The following KCNIP4 variants were observed in gnomAD, a reference collection of about 807,000 sequenced individuals.
The protein encoded by KCNIP4 is potassium voltage-gated channel interacting protein 4.
Under a neutral mutation model 34.0 loss-of-function variants are expected in KCNIP4, and 12 were observed. The ratio of observed to expected loss-of-function variants is 0.35; its 90% CI spans 0.23 to 0.57. The LOEUF is 0.57. Among genes scored for constraint, KCNIP4 ranks in the 20% least tolerant of loss-of-function variants. KCNIP4 has a pLI of 0.83. For synonymous variants in KCNIP4, 124 were observed against 102.2 expected (o/e 1.21, Z -1.29); for missense variants, 238 against 311.7 (o/e 0.76, Z 1.78).
chr4:21,298,834 A>G (rs1199394063), intron 1 of KCNIP4, among the ~76,000 whole-genome samples: 1 of 152,178 alleles, frequency 6.6e-6, no homozygotes, highest in Non-Finnish European at 1.5e-5. Flanking sequence ...CATGCATAGA[A>G]TGCGTCCAAG....
intron 1 of KCNIP4, among the ~76,000 whole-genome samples, chr4:21,777,735 C>A (rs1719277440): frequency 6.6e-6 from 1 of 152,208 alleles, no homozygotes; most frequent in Non-Finnish European, 1.5e-5. Flanking sequence ...ACTCAACTAT[C>A]TTAATCAGCT....
intron 1 of KCNIP4, among the ~76,000 whole-genome samples, chr4:21,125,299 C>T (rs1365850309): frequency 6.6e-6 from 1 of 150,858 alleles, no homozygotes; most frequent in Non-Finnish European, 1.5e-5. Context: ...CTCACAGCAA[C>T]CTCCGCCTCA....
chr4:20,734,796 A>AG, intron 5 of KCNIP4, 61 bp from the exon 6 acceptor site: 1 of 1,012,802 alleles, frequency 9.9e-7, no homozygotes, highest in South Asian at 1.5e-5. Flanking sequence ...AACAAAAAAA[A>AG]CAAATGATGT....
At chr4:21,240,385 AT>A (rs1759721597) in intron 1 of KCNIP4, among the ~76,000 whole-genome samples, 1 of 152,040 alleles carries the variant, frequency 6.6e-6, no homozygotes, top group Non-Finnish European at 1.5e-5. Context: ...TAATAATAAA[AT>A]GAAAAAATTT....
At chr4:21,388,986 GTT>G (rs10718975) in intron 1 of KCNIP4, among the ~76,000 whole-genome samples, 27 of 146,240 alleles carry the variant, frequency 1.8e-4, no homozygotes, top group South Asian at 6.5e-4. Flanking sequence ...ATATTGTCTT[GTT>G]TTTTTTTTTT....
chr4:21,835,771 T>G (rs1723281723), intron 1 of KCNIP4, among the ~76,000 whole-genome samples: 1 of 152,106 alleles, frequency 6.6e-6, no homozygotes, highest in Non-Finnish European at 1.5e-5. Context: ...TTATAAAGAC[T>G]AGAAGCAAAC....
chr4:20,854,841 A>ATTT (rs1259931716), intron 2 of KCNIP4, among the ~76,000 whole-genome samples: 1 of 152,184 alleles, frequency 6.6e-6, no homozygotes, highest in Non-Finnish European at 1.5e-5. Context: ...TGTAGTCAAT[A>ATTT]GAGTCAATAG....
At chr4:21,935,826 G>C (rs993346561) in intron 1 of KCNIP4, among the ~76,000 whole-genome samples, 6 of 152,032 alleles carry the variant, frequency 3.9e-5, no homozygotes, top group Non-Finnish European at 8.8e-5. Flanking sequence ...CACTTCATAT[G>C]CATTAATTCA....
chr4:21,813,764 T>C (rs1721804127), intron 1 of KCNIP4, among the ~76,000 whole-genome samples: 1 of 152,184 alleles, frequency 6.6e-6, no homozygotes, highest in South Asian at 2.1e-4. Context: ...CAGTAAGGTA[T>C]AATAGGAGAT....
intron 3 of KCNIP4, among the ~76,000 whole-genome samples, chr4:20,808,399 T>G (rs2149429250): frequency 6.6e-6 from 1 of 152,296 alleles, no homozygotes; most frequent in East Asian, 1.9e-4. Flanking sequence ...TGTCAGTAGG[T>G]GCTGAGATGT....
intron 1 of KCNIP4, among the ~76,000 whole-genome samples, chr4:21,912,340 C>A (rs1372305502): frequency 6.6e-6 from 1 of 152,120 alleles, no homozygotes; most frequent in Non-Finnish European, 1.5e-5. Context: ...CATTTATTTA[C>A]TCAGCAACTA....
chr4:21,698,809 A>G (rs1170120546), intron 1 of KCNIP4, among the ~76,000 whole-genome samples: 1 of 152,174 alleles, frequency 6.6e-6, no homozygotes, highest in African/African-American at 2.4e-5. Context: ...ACAGTACTAC[A>G]TAAGAAATTA....
intron 1 of KCNIP4, among the ~76,000 whole-genome samples, chr4:21,561,831 A>G (rs1739506649): frequency 6.6e-6 from 1 of 152,010 alleles, no homozygotes; most frequent in South Asian, 2.1e-4. Context: ...TTTGGATAAC[A>G]GAACCTATCC....
At chr4:20,761,986 T>C (rs1754998229) in intron 3 of KCNIP4, among the ~76,000 whole-genome samples, 1 of 152,188 alleles carries the variant, frequency 6.6e-6, no homozygotes, top group Non-Finnish European at 1.5e-5. Context: ...TCAAAGGTCT[T>C]CCCATCATGG....
chr4:21,422,528 A>G (rs1725567890), intron 1 of KCNIP4, among the ~76,000 whole-genome samples: 1 of 152,026 alleles, frequency 6.6e-6, no homozygotes, highest in Non-Finnish European at 1.5e-5. Flanking sequence ...GCCATAGGAT[A>G]GAGATGATTG....
intron 1 of KCNIP4, among the ~76,000 whole-genome samples, chr4:21,614,805 G>A (rs1744461688): frequency 6.6e-6 from 1 of 152,012 alleles, no homozygotes; most frequent in Non-Finnish European, 1.5e-5. Flanking sequence ...ATCCGTTTTA[G>A]GACACCTATG....
chr4:21,511,406 T>TA (rs59046741), intron 1 of KCNIP4, among the ~76,000 whole-genome samples: 120,831 of 151,912 alleles, frequency 0.8, 48,496 homozygotes, highest in East Asian at 0.98. Flanking sequence ...TTCTTGGGTT[T>TA]TACTTTCTAG....
chr4:21,108,707 T>G lies in KCNIP4; in HGVS notation c.62-225998A>C, dbSNP rs560261986. On this transcript the variant is annotated intron_variant, in intron 1 of 8. Transcript: ENST00000382152. ...TAGAGTTTCCAGTTCTTCTGCTCTG[T>G]TTTTTCCCCATCTTTGTGGTTTTAT... Among the ~76,000 whole-genome samples the G allele has an allele frequency of 6.6e-5, 10 of 151,740 alleles. No homozygotes were observed. The South Asian group carries it at 2.1e-3, about 31-fold the overall frequency.
chr4:21,335,182 T>G (rs1402523393), intron 1 of KCNIP4, among the ~76,000 whole-genome samples: 1 of 152,094 alleles, frequency 6.6e-6, no homozygotes, highest in Admixed American at 6.6e-5. Flanking sequence ...AGTTCTTGTC[T>G]CTGCCCTTTT....
Sources: allele counts gnomAD v4.1 joint callset (sites outside exome capture counted in the v4.1 genomes callset), GRCh38; gene constraint gnomAD v4.1.1; transcripts MANE v1.5; gene names NCBI Gene and HGNC (gene_info 2026-07-23, HGNC 2026-07-21).